DENND1A: variants seen among roughly 807,000 people sequenced by gnomAD.
DENND1A encodes DENN domain containing 1A, also known as DENN domain-containing protein 1A.
In DENND1A, 51 loss-of-function variants were observed where a neutral mutation model predicts 113.7. The observed-to-expected ratio is 0.45, with a 90% CI of 0.36 to 0.57. DENND1A has a LOEUF of 0.57. Ranked by LOEUF, DENND1A falls within the 20% of genes least tolerant of loss-of-function variation. DENND1A has a pLI of 0.00. For synonymous variants in DENND1A, 565 were observed against 570.8 expected (o/e 0.99, Z 0.14); for missense variants, 1,258 against 1,395.9 (o/e 0.90, Z 1.57).
At chr9:123,740,421 T>A (rs368645997) in intron 5 of DENND1A, among the ~76,000 whole-genome samples, 3 of 152,302 alleles carry the variant, frequency 2.0e-5, no homozygotes, top group Middle Eastern at 3.4e-3. Flanking sequence ...AAATCTCCCA[T>A]TTAGAGTCTG....
At chr9:123,778,959 AT>A (rs1250342458) in intron 3 of DENND1A, among the ~76,000 whole-genome samples, 3 of 152,234 alleles carry the variant, frequency 2.0e-5, no homozygotes, top group Admixed American at 6.5e-5. Flanking sequence ...TTTTAAAAAA[AT>A]GTTTAAAGTA....
chr9:123,671,315 T>C lies in DENND1A; in HGVS notation c.429A>G (p.Pro143=). The C allele has an allele frequency of 1.2e-6, 2 of 1,614,038 alleles. No individual in the cohort carries two copies. The highest frequency in any genetic ancestry group is 1.7e-6 in the Non-Finnish European group (2 of 1,179,992). Residue 143 remains proline, a synonymous_variant, in exon 7 of 24, where the codon CCA becomes CCG. Transcript: ENST00000394215. ...ETLHKLPIPD[P]GVSVHLSVHS... ...CCACGCTGAGATGGACAGACACTCC[T>C]GGGTCAGGGATGGGAAGTTTGTGCA... is the stretch of plus-strand genomic sequence containing the variant.
intron 13 of DENND1A, among the ~76,000 whole-genome samples, chr9:123,479,857 G>C (rs772726446): frequency 6.6e-6 from 1 of 152,230 alleles, no homozygotes; most frequent in Non-Finnish European, 1.5e-5. Flanking sequence ...GCTAACTGCA[G>C]GGTGATTTGT....
Position 123,676,760 on chromosome 9 carries a change from T to C in DENND1A, c.332A>G (p.Lys111Arg), listed in dbSNP as rs1416847737. Residue 111 changes from lysine to arginine, a missense_variant, in exon 6 of 24, where the codon AAG becomes AGG. By Grantham distance (26) the Lys-to-Arg change is conservative. Transcript: ENST00000394215. ...GTAATCTGCCAGGATGTTAAGCAGC[T>C]TATAAAATACCTCGAACCAGGGGAG... ...SYLPWFEVFY[K>R]LLNILADYTT... The C allele has an allele frequency of 1.4e-5, 23 of 1,614,072 alleles. No individual in the cohort carries two copies. Among genetic ancestry groups the C allele is most frequent in the Non-Finnish European group, 1.9e-5 (23 of 1,179,994 alleles).
intron 2 of DENND1A, among the ~76,000 whole-genome samples, chr9:123,858,486 G>T (rs1244853806): frequency 1.3e-5 from 2 of 152,178 alleles, no homozygotes; most frequent in African/African-American, 4.8e-5. Flanking sequence ...GCATTAGTAA[G>T]TGAGTGGGTA....
intron 21 of DENND1A, chr9:123,402,527 C>T (rs1243417625): frequency 1.9e-6 from 1 of 534,818 alleles, no homozygotes; most frequent in Non-Finnish European, 3.8e-6. Context: ...TCCCCCTTTC[C>T]ACCCAAAGGA....
At chr9:123,423,970 C>A (rs1334558176) in intron 19 of DENND1A, among the ~76,000 whole-genome samples, 1 of 152,158 alleles carries the variant, frequency 6.6e-6, no homozygotes, top group African/African-American at 2.4e-5. Flanking sequence ...GGCCTGGGGG[C>A]TGAAGAGCTG....
chr9:123,796,214 C>T (rs1262146615), intron 2 of DENND1A, among the ~76,000 whole-genome samples: 1 of 152,148 alleles, frequency 6.6e-6, no homozygotes, highest in Non-Finnish European at 1.5e-5. Context: ...TGTGATGTCA[C>T]AGCACCATGG....
intron 22 of DENND1A, among the ~76,000 whole-genome samples, chr9:123,386,387 T>C (rs1411715173): frequency 1.3e-5 from 2 of 150,802 alleles, no homozygotes; most frequent in Non-Finnish European, 1.5e-5. Flanking sequence ...CTTTCTTTTT[T>C]TTTTTTTTTT....
At chr9:123,639,065 AAGAAAG>A (rs2061878943) in intron 9 of DENND1A, among the ~76,000 whole-genome samples, 1 of 143,370 alleles carries the variant, frequency 7.0e-6, no homozygotes, top group Non-Finnish European at 1.5e-5. Context: ...AAAAAAAAAA[AAGAAAG>A]AAAGAAAAAA....
intron 13 of DENND1A, among the ~76,000 whole-genome samples, chr9:123,549,289 T>C (rs1341646610): frequency 6.6e-6 from 1 of 152,166 alleles, no homozygotes; most frequent in African/African-American, 2.4e-5. Context: ...CTTGCTGTAC[T>C]GTACATAGTG....
intron 8 of DENND1A, among the ~76,000 whole-genome samples, chr9:123,656,975 G>A (rs967118793): frequency 2.6e-4 from 39 of 152,228 alleles, no homozygotes; most frequent in African/African-American, 9.2e-4. Context: ...ATGAGCATGT[G>A]CCTCTCCACC....
chr9:123,604,724 T>C (rs1033072133), intron 11 of DENND1A, among the ~76,000 whole-genome samples: 4 of 152,212 alleles, frequency 2.6e-5, no homozygotes, highest in Non-Finnish European at 5.9e-5. Context: ...ACCGTGCCTC[T>C]GCATTGCAGA....
intron 12 of DENND1A, among the ~76,000 whole-genome samples, chr9:123,567,960 G>A (rs1281088977): frequency 6.6e-6 from 1 of 152,202 alleles, no homozygotes; most frequent in African/African-American, 2.4e-5. Context: ...TTTGCACTGA[G>A]CTTTGAGAGA....
At chr9:123,735,929 G>A (rs2068529061) in intron 5 of DENND1A, among the ~76,000 whole-genome samples, 3 of 152,088 alleles carry the variant, frequency 2.0e-5, no homozygotes, top group Admixed American at 1.3e-4. Flanking sequence ...AACCTGGGAG[G>A]CAGAGGTTGC....
chr9:123,415,110 T>A (rs202215177), intron 19 of DENND1A, among the ~76,000 whole-genome samples: 1 of 151,970 alleles, frequency 6.6e-6, no homozygotes. Flanking sequence ...GTTAGCAGAG[T>A]GAGCCAGCGG....
chr9:123,396,943 A>G (rs1387796570), intron 21 of DENND1A, among the ~76,000 whole-genome samples: 1 of 152,162 alleles, frequency 6.6e-6, no homozygotes, highest in African/African-American at 2.4e-5. Flanking sequence ...TTAAGGGTAA[A>G]GGCTTTTGGT....
intron 13 of DENND1A, among the ~76,000 whole-genome samples, chr9:123,487,552 A>C (rs2050997877): frequency 6.6e-6 from 1 of 152,214 alleles, no homozygotes; most frequent in Non-Finnish European, 1.5e-5. Context: ...GCTTTCCTGG[A>C]TGCGATTGTC....
intron 21 of DENND1A, chr9:123,401,998 T>C: frequency 6.3e-7 from 1 of 1,576,756 alleles, no homozygotes; most frequent in Non-Finnish European, 8.7e-7. Flanking sequence ...CTAAAAGGTT[T>C]AGTCCAGTTT....
Sources: allele counts gnomAD v4.1 joint callset (sites outside exome capture counted in the v4.1 genomes callset), GRCh38; gene constraint gnomAD v4.1.1; transcripts MANE v1.5; gene names NCBI Gene and HGNC (gene_info 2026-07-23, HGNC 2026-07-21).